The following PDCD1LG2 variants were observed in gnomAD, a reference collection of about 807,000 sequenced individuals.
PDCD1LG2 encodes the protein B7 dendritic cell molecule.
In PDCD1LG2, 32 loss-of-function variants were observed where a neutral mutation model predicts 28.2. The observed-to-expected ratio is 1.13, with a 90% CI of 0.86 to 1.52. The LOEUF is 1.52. Among genes scored for constraint, PDCD1LG2 ranks in the 40% most tolerant of loss-of-function variants. The pLI is 0.00. For missense variants in PDCD1LG2, 385 were observed against 323.8 expected, an observed-to-expected ratio of 1.19 and a Z score of -1.45; for synonymous variants, 116 against 120.2, an observed-to-expected ratio of 0.97 and a Z score of 0.23.
intron 3 of PDCD1LG2, among the ~76,000 whole-genome samples, chr9:5,546,696 T>G (rs2129860266): frequency 6.6e-6 from 1 of 152,350 alleles, no homozygotes; most frequent in East Asian, 1.9e-4. Context: ...CCTCTTATGG[T>G]GATTCCAATT....
intron 2 of PDCD1LG2, among the ~76,000 whole-genome samples, chr9:5,526,990 G>C (rs766742078): frequency 6.6e-6 from 1 of 151,116 alleles, no homozygotes; most frequent in African/African-American, 2.4e-5. Flanking sequence ...AGACTGTGAT[G>C]AAAGTTGCCT....
rs150153913 is a variant in PDCD1LG2 at position 5,540,252 on chromosome 9, T to A, written c.361+5202T>A. ...GCAAAAGCAGTGCTAAGAGAAACAT[T>A]CATAGCATTAAATGCCTACATCAAA... On this transcript the variant is annotated intron_variant, in intron 3 of 6. Coordinates refer to ENST00000397747, the MANE Select transcript of PDCD1LG2 (RefSeq NM_025239.4). Among the ~76,000 whole-genome samples, 1,293 of 152,264 alleles carry A rather than the reference T, an allele frequency of 8.5e-3. 19 individuals carry two copies. The highest frequency in any genetic ancestry group is 0.03 in the African/African-American group (1,238 of 41,548).
chr9:5,555,758 A>C (rs1181604114), intron 4 of PDCD1LG2, among the ~76,000 whole-genome samples: 1 of 152,234 alleles, frequency 6.6e-6, no homozygotes, highest in Non-Finnish European at 1.5e-5. Flanking sequence ...AGTGGTGGAA[A>C]ACACATTCAA....
Position 5,570,424 on chromosome 9 carries a change from G to GAGCTC in PDCD1LG2, c.*467_*471dup, listed in dbSNP as rs1563836759. ...TACTAGAAGAGGCTATTGAGACTAT[G>GAGCTC]AGCTCACAGACAGGGCTTCGCACAA... is the stretch of plus-strand genomic sequence containing the variant. On this transcript the variant is annotated 3_prime_UTR_variant, in exon 7 of 7. Coordinates refer to ENST00000397747, the MANE Select transcript of PDCD1LG2 (RefSeq NM_025239.4). 4.2e-6 allele frequency: 1 copy of GAGCTC among 236,602 alleles called. No homozygotes were observed. Among genetic ancestry groups the GAGCTC allele is most frequent in the East Asian group, 6.0e-5 (1 of 16,708 alleles). The allele number at this position is 236,602 out of a possible 1,614,324, so 14.7% of individuals were successfully genotyped here.
intron 5 of PDCD1LG2, among the ~76,000 whole-genome samples, chr9:5,561,232 G>C (rs1002525637): frequency 6.6e-6 from 1 of 152,132 alleles, no homozygotes; most frequent in African/African-American, 2.4e-5. Flanking sequence ...GTGCTCAATA[G>C]CCATGTACAG....
At position 5,569,985 on chromosome 9, in the gene PDCD1LG2, AC is replaced by A. The variant is rs775336459; in HGVS notation, c.*28del. On this transcript the variant is annotated 3_prime_UTR_variant, in exon 7 of 7. Coordinates refer to ENST00000397747, the MANE Select transcript of PDCD1LG2 (RefSeq NM_025239.4). The surrounding 1 kb of genome is among the most constrained non-coding windows in gnomAD (Gnocchi z 4.1). ...ACCTGTGGTCTTGGGAGCCAGGGTG[AC>A]CTGATATGACATCTAAAGAAGCTTC... 2.5e-6 allele frequency: 4 copies of A among 1,613,884 alleles called. No individual in the cohort carries two copies. Among genetic ancestry groups the A allele is most frequent in the Admixed American group, 1.7e-5 (1 of 60,006 alleles).
intron 3 of PDCD1LG2, among the ~76,000 whole-genome samples, chr9:5,535,445 C>T (rs551109848): frequency 3.3e-5 from 5 of 152,190 alleles, no homozygotes; most frequent in South Asian, 2.1e-4. Flanking sequence ...CATGGTTTGC[C>T]GCCCATTCAT....
Position 5,535,046 on chromosome 9 carries a change from C to A in PDCD1LG2, c.357C>A (p.Val119=). 1 of 1,603,398 alleles carries A rather than the reference C, an allele frequency of 6.2e-7. No homozygotes were observed. Among genetic ancestry groups the A allele is most frequent in the South Asian group, 1.1e-5 (1 of 89,976 alleles). ...ACTACAAGTACCTGACTCTGAAAGTCAAAGGTGAGTGGTGTCAAGGACTAG... is the reference window on the plus strand; with the variant it reads ...ACTACAAGTACCTGACTCTGAAAGTAAAAGGTGAGTGGTGTCAAGGACTAG... The part of the protein sequence containing the change: ...AWDYKYLTLK[V]KASYRKINTH... The change falls in exon 3 of 7, where the codon GTC becomes GTA. Residue 119 remains valine, a synonymous_variant. Coordinates refer to ENST00000397747, the MANE Select transcript of PDCD1LG2 (RefSeq NM_025239.4).
At chr9:5,565,781 T>G (rs1816654668) in intron 6 of PDCD1LG2, among the ~76,000 whole-genome samples, 1 of 152,164 alleles carries the variant, frequency 6.6e-6, no homozygotes, top group Non-Finnish European at 1.5e-5. Context: ...TTGACCAAAT[T>G]TGACTAAATA....
chr9:5,520,098 T>C (rs1335553435), intron 1 of PDCD1LG2, among the ~76,000 whole-genome samples: 3 of 152,132 alleles, frequency 2.0e-5, no homozygotes, highest in Non-Finnish European at 2.9e-5. Context: ...AAAATTCATT[T>C]GAAAATGTAA....
chr9:5,519,151 G>A (rs907902603), intron 1 of PDCD1LG2, among the ~76,000 whole-genome samples: 2 of 152,178 alleles, frequency 1.3e-5, no homozygotes, highest in Admixed American at 1.3e-4. Context: ...AGCAGGGTGA[G>A]TGGATTTAGG....
At chr9:5,530,602 GTTCCATGAGCTACCA>G (rs1820463829) in intron 2 of PDCD1LG2, among the ~76,000 whole-genome samples, 1 of 152,126 alleles carries the variant, frequency 6.6e-6, no homozygotes, top group Admixed American at 6.5e-5. Context: ...TTGAATTCCG[GTTCCATGAGCTACCA>G]TTCTTTGACC....
At chr9:5,554,148 C>T (rs766606411) in intron 4 of PDCD1LG2, among the ~76,000 whole-genome samples, 1 of 152,088 alleles carries the variant, frequency 6.6e-6, no homozygotes, top group Non-Finnish European at 1.5e-5. Context: ...TTTTATTTTC[C>T]ATGTATTTTC....
intron 2 of PDCD1LG2, among the ~76,000 whole-genome samples, chr9:5,533,388 A>C (rs1820519751): frequency 6.6e-6 from 1 of 152,218 alleles, no homozygotes; most frequent in Non-Finnish European, 1.5e-5. Flanking sequence ...ATAAAGCCAC[A>C]TACCCCTGTG....
At chr9:5,519,773 A>T (rs983247598) in intron 1 of PDCD1LG2, among the ~76,000 whole-genome samples, 2 of 151,996 alleles carry the variant, frequency 1.3e-5, no homozygotes, top group Admixed American at 1.3e-4. Flanking sequence ...CCCTTCCTTA[A>T]TTTGCTTCTC....
At chr9:5,514,932 G>A (rs560019169) in intron 1 of PDCD1LG2, among the ~76,000 whole-genome samples, 2 of 152,130 alleles carry the variant, frequency 1.3e-5, no homozygotes, top group African/African-American at 4.8e-5. Flanking sequence ...CCCTGAGTGA[G>A]TCTTAAAAAA....
In PDCD1LG2 at chr9:5,534,958, C is replaced by T. The variant is rs1340564116; in HGVS notation, c.269C>T (p.Pro90Leu). Residue 90 changes from proline to leucine, a missense_variant, in exon 3 of 7, where the codon CCT (proline) becomes CTT (leucine). By Grantham distance (98) the Pro-to-Leu change is moderately conservative. Coordinates refer to ENST00000397747, the MANE Select transcript of PDCD1LG2 (RefSeq NM_025239.4). ...LPLGKASFHI[P>L]QVQVRDEGQY... ...CTAGGGAAGGCCTCGTTCCACATAC[C>T]TCAAGTCCAAGTGAGGGACGAAGGA... 1 of 1,614,102 alleles carries T rather than the reference C, an allele frequency of 6.2e-7. No homozygotes were observed. The highest frequency in any genetic ancestry group is 1.7e-5 in the Admixed American group (1 of 60,018).
intron 3 of PDCD1LG2, among the ~76,000 whole-genome samples, chr9:5,543,136 T>C (rs557933916): frequency 2.4e-4 from 37 of 152,330 alleles, no homozygotes; most frequent in Admixed American, 8.5e-4. Context: ...AAACATTGTA[T>C]GCTCTCACTC....
At chr9:5,557,493 G>GC in intron 4 of PDCD1LG2, 125 bp from the exon 5 acceptor site, 1 of 1,109,380 alleles carries the variant, frequency 9.0e-7, no homozygotes, top group Non-Finnish European at 1.3e-6. Flanking sequence ...TTAGAATAGG[G>GC]CCTGGTGTGG....
Sources: allele counts gnomAD v4.1 joint callset (sites outside exome capture counted in the v4.1 genomes callset), GRCh38; gene constraint gnomAD v4.1.1; non-coding constraint Gnocchi (gnomAD v3.1); transcripts MANE v1.5; gene names NCBI Gene and HGNC (gene_info 2026-07-23, HGNC 2026-07-21).